Variants in PTPRT observed in about 807,000 individuals in gnomAD.
PTPRT encodes the protein protein tyrosine phosphatase receptor type T.
Under a neutral mutation model 176.8 loss-of-function variants are expected in PTPRT, and 56 were observed. The ratio of observed to expected loss-of-function variants is 0.32; its 90% CI spans 0.26 to 0.40. PTPRT has a LOEUF of 0.40. Among genes scored for constraint, PTPRT ranks in the 10% least tolerant of loss-of-function variants. The pLI is 1.00. For synonymous variants in PTPRT, 783 were observed against 739.0 expected, an observed-to-expected ratio of 1.06 and a Z score of -0.96; for missense variants, 1,540 against 1,908.2, an observed-to-expected ratio of 0.81 and a Z score of 3.60.
intron 15 of PTPRT, among the ~76,000 whole-genome samples, chr20:42,199,663 C>T (rs1382768251): frequency 1.3e-5 from 2 of 152,150 alleles, no homozygotes; most frequent in African/African-American, 4.8e-5. Context: ...CCCCCACTCT[C>T]CTTTCAGAGG....
intron 15 of PTPRT, among the ~76,000 whole-genome samples, chr20:42,227,493 G>T (rs533465112): frequency 1.4e-4 from 21 of 151,388 alleles, no homozygotes; most frequent in Non-Finnish European, 2.4e-4. Flanking sequence ...TCATTAGTTT[G>T]TTGCTCACTG....
At chr20:42,357,943 C>CA (rs2058380160) in intron 9 of PTPRT, among the ~76,000 whole-genome samples, 1 of 151,726 alleles carries the variant, frequency 6.6e-6, no homozygotes, top group Non-Finnish European at 1.5e-5. Context: ...ACAAACAAAA[C>CA]AAAAAAGTTT....
At chr20:42,071,904 C>T (rs961659298), downstream of PTPRT, among the ~76,000 whole-genome samples, 4 of 152,112 alleles carry the variant, frequency 2.6e-5, no homozygotes, top group African/African-American at 9.7e-5. Context: ...AGTGATCTCC[C>T]ACTTTGGTCT....
chr20:42,674,168 C>G (rs191134701), intron 7 of PTPRT, among the ~76,000 whole-genome samples: 1 of 152,068 alleles, frequency 6.6e-6, no homozygotes. Context: ...AAATTAATTA[C>G]GAGGCAAAAA....
At chr20:42,931,594 T>C (rs1413631318) in intron 1 of PTPRT, among the ~76,000 whole-genome samples, 1 of 152,192 alleles carries the variant, frequency 6.6e-6, no homozygotes, top group Non-Finnish European at 1.5e-5. Context: ...AGGTAGAACC[T>C]TCTCATAGAA....
chr20:43,097,835 G>A (rs2012229892), intron 1 of PTPRT, among the ~76,000 whole-genome samples: 1 of 152,134 alleles, frequency 6.6e-6, no homozygotes, highest in Non-Finnish European at 1.5e-5. Context: ...AACAGCACAG[G>A]GGTCTTTATG....
chr20:42,283,648 A>G (rs1320642531), intron 12 of PTPRT, among the ~76,000 whole-genome samples: 1 of 152,120 alleles, frequency 6.6e-6, no homozygotes, highest in Non-Finnish European at 1.5e-5. Context: ...TGGTATGTCC[A>G]TTTTAACCCA....
At chr20:43,170,149 C>T (rs2014960157) in intron 1 of PTPRT, among the ~76,000 whole-genome samples, 1 of 150,574 alleles carries the variant, frequency 6.6e-6, no homozygotes, top group Non-Finnish European at 1.5e-5. Context: ...TAGGAATTTC[C>T]CCCGTATATA....
At chr20:42,802,478 G>C (rs1354335972) in intron 2 of PTPRT, among the ~76,000 whole-genome samples, 1 of 152,188 alleles carries the variant, frequency 6.6e-6, no homozygotes, top group Admixed American at 6.5e-5. Context: ...AATATAATTA[G>C]ACACTTATTG....
At chr20:42,657,227 A>G (rs939160562) in intron 7 of PTPRT, among the ~76,000 whole-genome samples, 1 of 152,156 alleles carries the variant, frequency 6.6e-6, no homozygotes, top group Non-Finnish European at 1.5e-5. Flanking sequence ...AGCCCTGTGG[A>G]ACAGGGAGTC....
At chr20:42,646,592 T>C (rs535553006) in intron 7 of PTPRT, among the ~76,000 whole-genome samples, 1 of 152,244 alleles carries the variant, frequency 6.6e-6, no homozygotes, top group Non-Finnish European at 1.5e-5. Flanking sequence ...ATATTTCAGT[T>C]CTTCAACTCC....
Position 42,102,181 on chromosome 20 carries a change from G to A in PTPRT, c.3657C>T (p.Pro1219=). 2.5e-6 allele frequency: 4 copies of A among 1,614,210 alleles called. No individual in the cohort carries two copies. Among genetic ancestry groups the A allele is most frequent in the Middle Eastern group, 1.6e-4 (1 of 6,062 alleles). Residue 1219 remains proline (P), a synonymous_variant, in exon 26 of 31, where the codon CCC becomes CCT. Transcript: ENST00000373187. The part of the protein sequence containing the change: ...MDVLPLDRCL[P]FLISVDGESS... ...ATTCTCCGTCCACTGAGATAAGGAA[G>A]GGCAGGCAGCGGTCCAGAGGCAGCA...
At chr20:42,747,347 G>A (rs2076705463) in intron 6 of PTPRT, among the ~76,000 whole-genome samples, 1 of 152,198 alleles carries the variant, frequency 6.6e-6, no homozygotes, top group African/African-American at 2.4e-5. Flanking sequence ...GCCAGGTACT[G>A]ACTCAGGTAC....
chr20:42,562,411 T>A (rs1460661141), intron 7 of PTPRT, among the ~76,000 whole-genome samples: 1 of 152,222 alleles, frequency 6.6e-6, no homozygotes, highest in Non-Finnish European at 1.5e-5. Context: ...TGAGGTTAAT[T>A]CACATTATGG....
chr20:42,944,591 C>T (rs576234722), intron 1 of PTPRT, among the ~76,000 whole-genome samples: 3 of 152,256 alleles, frequency 2.0e-5, no homozygotes, highest in Middle Eastern at 3.4e-3. Context: ...TTGAACAAGC[C>T]ACACGTTCTC....
chr20:42,657,398 G>A (rs1361608527), intron 7 of PTPRT, among the ~76,000 whole-genome samples: 1 of 152,110 alleles, frequency 6.6e-6, no homozygotes, highest in Non-Finnish European at 1.5e-5. Flanking sequence ...TGACCTGAGG[G>A]CATCACAACT....
At chr20:42,513,285 T>TGAA (rs1292216484) in intron 7 of PTPRT, among the ~76,000 whole-genome samples, 2 of 151,384 alleles carry the variant, frequency 1.3e-5, no homozygotes, top group African/African-American at 4.8e-5. Flanking sequence ...CTAGCTTCCT[T>TGAA]GAAGAAGCCA....
chr20:42,678,211 C>A (rs1600593417), intron 6 of PTPRT, 52 bp from the exon 7 acceptor site: 2 of 1,540,160 alleles, frequency 1.3e-6, no homozygotes, highest in East Asian at 2.3e-5. Context: ...ATTTACAGAG[C>A]AGACTACAAG....
intron 5 of PTPRT, among the ~76,000 whole-genome samples, chr20:42,770,036 G>T (rs2077040186): frequency 6.6e-6 from 1 of 152,224 alleles, no homozygotes; most frequent in Admixed American, 6.5e-5. Context: ...TATCTTGATT[G>T]TGGTAATAGT....
Sources: allele counts gnomAD v4.1 joint callset (sites outside exome capture counted in the v4.1 genomes callset), GRCh38; gene constraint gnomAD v4.1.1; transcripts MANE v1.5; gene names NCBI Gene and HGNC (gene_info 2026-07-23, HGNC 2026-07-21).